PBX1: variants seen among roughly 807,000 people sequenced by gnomAD.
PBX1 encodes the protein pre-B-cell leukemia transcription factor 1.
A neutral mutation model predicts 53.4 loss-of-function variants in PBX1; 6 were observed. The observed-to-expected ratio is 0.11, with a 90% CI of 0.06 to 0.22. The LOEUF (loss-of-function observed/expected upper bound fraction) is 0.22, where lower values mean the gene tolerates loss of function less well. PBX1 is among the 10% of genes least tolerant of loss of function. PBX1 has a pLI of 1.00. For synonymous variants in PBX1, 204 were observed against 212.3 expected (o/e 0.96, Z 0.34); for missense variants, 251 against 551.4 (o/e 0.46, Z 5.46).
At chr1:164,811,396 T>C (rs1315830252) in intron 5 of PBX1, among the ~76,000 whole-genome samples, 1 of 152,254 alleles carries the variant, frequency 6.6e-6, no homozygotes, top group African/African-American at 2.4e-5. Flanking sequence ...GCTACAGTTT[T>C]TCCTTATGTA....
At chr1:164,827,792 G>A (rs967839860) in intron 8 of PBX1, among the ~76,000 whole-genome samples, 2 of 152,200 alleles carry the variant, frequency 1.3e-5, no homozygotes, top group African/African-American at 4.8e-5. Flanking sequence ...GCTTATTCAT[G>A]CATTCATTTA....
At position 164,847,379 on chromosome 1, in the gene PBX1, G is replaced by A. The variant is rs1671626649; in HGVS notation, c.*703G>A. On this transcript the variant is annotated 3_prime_UTR_variant, in exon 9 of 9. Coordinates refer to ENST00000420696, the MANE Select transcript of PBX1 (RefSeq NM_002585.4). ...CACTAGGTTGGTTCCCGGGCAGGAA[G>A]TCAGGCAGCAGGGAAGGACACGGGA... The A allele has an allele frequency of 9.4e-7, 1 of 1,064,630 alleles. No homozygotes were observed. Among genetic ancestry groups the A allele is most frequent in the South Asian group, 4.5e-5 (1 of 21,980 alleles). 65.9% of individuals were successfully genotyped at this position (1,064,630 alleles called of 1,614,324 possible).
At chr1:164,633,358 C>T (rs1220781968) in intron 2 of PBX1, among the ~76,000 whole-genome samples, 1 of 152,146 alleles carries the variant, frequency 6.6e-6, no homozygotes, top group African/African-American at 2.4e-5. Context: ...CCATGTTGGC[C>T]AGGCTGGTCT....
chr1:164,603,989 G>A (rs1341467209), intron 2 of PBX1, among the ~76,000 whole-genome samples: 1 of 124,520 alleles, frequency 8.0e-6, no homozygotes, highest in Non-Finnish European at 1.6e-5. Context: ...CACCCAGGCT[G>A]GAGTGCAGTG....
At chr1:164,756,459 C>G (rs1009399150) in intron 2 of PBX1, among the ~76,000 whole-genome samples, 10 of 152,170 alleles carry the variant, frequency 6.6e-5, no homozygotes, top group East Asian at 1.9e-4. Flanking sequence ...ATGCTGCACA[C>G]ATATGCTTAT....
chr1:164,818,490 T>G (rs1263755806), intron 6 of PBX1: 1 of 152,160 alleles, frequency 6.6e-6, no homozygotes, highest in African/African-American at 2.4e-5. Context: ...TGAGTCCTCC[T>G]CTAACCCCCA....
intron 2 of PBX1, among the ~76,000 whole-genome samples, chr1:164,595,193 T>C (rs1655670460): frequency 6.6e-6 from 1 of 152,216 alleles, no homozygotes; most frequent in African/African-American, 2.4e-5. Flanking sequence ...AGAAATGGGA[T>C]TTCTGCTTTG....
At chr1:164,870,452 C>G (rs906090599) in intron 2 of PBX1, among the ~76,000 whole-genome samples, 1 of 151,852 alleles carries the variant, frequency 6.6e-6, no homozygotes, top group East Asian at 2.0e-4. Context: ...TCAAGCAATT[C>G]TCTTGTCTCA....
At chr1:164,713,721 G>A (rs1252923972) in intron 2 of PBX1, among the ~76,000 whole-genome samples, 1 of 152,144 alleles carries the variant, frequency 6.6e-6, no homozygotes, top group Non-Finnish European at 1.5e-5. Context: ...GGCACAGAAG[G>A]CAGCAGAAAG....
At chr1:164,737,129 G>A (rs1299920204) in intron 2 of PBX1, among the ~76,000 whole-genome samples, 1 of 152,106 alleles carries the variant, frequency 6.6e-6, no homozygotes, top group African/African-American at 2.4e-5. Context: ...TGAGAAGTCC[G>A]CCCATTTTCT....
At chr1:164,842,957 G>T (rs1325170649) in intron 8 of PBX1, among the ~76,000 whole-genome samples, 1 of 123,352 alleles carries the variant, frequency 8.1e-6, no homozygotes, top group Non-Finnish European at 1.6e-5. Context: ...CTCTCACTCT[G>T]CCCAGAGATA....
At chr1:164,580,682 T>C (rs1020308544) in intron 2 of PBX1, among the ~76,000 whole-genome samples, 3 of 152,106 alleles carry the variant, frequency 2.0e-5, no homozygotes, top group Non-Finnish European at 2.9e-5. Flanking sequence ...GTTCAAGCGA[T>C]TCTCCTGCCT....
chr1:164,734,364 CTAAAT>C (rs1284811124), intron 2 of PBX1, among the ~76,000 whole-genome samples: 1 of 152,168 alleles, frequency 6.6e-6, no homozygotes, highest in Non-Finnish European at 1.5e-5. Flanking sequence ...AACTACAATA[CTAAAT>C]TAGTCAGCTA....
chr1:164,802,333 C>A (rs1331340006), intron 4 of PBX1, among the ~76,000 whole-genome samples: 4 of 152,194 alleles, frequency 2.6e-5, no homozygotes, highest in Non-Finnish European at 5.9e-5. Flanking sequence ...AGCTTATAAG[C>A]TGAGGCTGTG....
At chr1:164,828,653 A>G (rs2102383140) in intron 8 of PBX1, 1 of 152,212 alleles carries the variant, frequency 6.6e-6, no homozygotes, top group Non-Finnish European at 1.5e-5. Flanking sequence ...TCTGTGGAGA[A>G]AAATCACAAC....
intron 2 of PBX1, among the ~76,000 whole-genome samples, chr1:164,724,983 C>A (rs1386760167): frequency 6.6e-6 from 1 of 151,850 alleles, no homozygotes; most frequent in Non-Finnish European, 1.5e-5. Context: ...CAGGTGGGTC[C>A]TTTTTCGGTT....
At chr1:164,820,262 C>T (rs1670089139) in intron 7 of PBX1, 78 bp downstream of exon 7, 7 of 836,120 alleles carry the variant, frequency 8.4e-6, no homozygotes, top group Non-Finnish European at 1.4e-5. Context: ...CTTCCTGCTT[C>T]TGTCCAGAGA....
chr1:164,634,809 A>G (rs1454776825), intron 2 of PBX1, among the ~76,000 whole-genome samples: 1 of 152,124 alleles, frequency 6.6e-6, no homozygotes, highest in Non-Finnish European at 1.5e-5. Context: ...TTCCTAGCCT[A>G]TCAGGACCTG....
chr1:164,590,199 G>A (rs1655268070), intron 2 of PBX1: 3 of 364,274 alleles, frequency 8.2e-6, no homozygotes, highest in South Asian at 4.2e-5. Flanking sequence ...GCAACAGAGC[G>A]AGACCCTGTG....
Sources: gnomAD v4.1 joint callset for allele counts (sites outside exome capture counted in the v4.1 genomes callset) on GRCh38, gnomAD v4.1.1 for gene constraint, MANE v1.5 for transcripts, NCBI Gene and HGNC (gene_info 2026-07-23, HGNC 2026-07-21) for gene names.